Variants in GLCE observed in about 807,000 individuals in gnomAD.
GLCE encodes the protein D-glucuronyl C5-epimerase.
GLCE carries 19 observed loss-of-function variants against 47.9 expected under a neutral mutation model. The ratio of observed to expected loss-of-function variants is 0.40; its 90% CI spans 0.28 to 0.58. The LOEUF (loss-of-function observed/expected upper bound fraction) is 0.58, where lower values mean the gene tolerates loss of function less well. GLCE is among the 20% of genes least tolerant of loss of function. The pLI is 0.48. For missense variants in GLCE, 556 were observed against 743.3 expected (o/e 0.75, Z 2.93); for synonymous variants, 245 against 263.4 (o/e 0.93, Z 0.68).
At chr15:69,240,986 A>G (rs1595776511) in intron 2 of GLCE, among the ~76,000 whole-genome samples, 2 of 152,350 alleles carry the variant, frequency 1.3e-5, no homozygotes, top group East Asian at 3.9e-4. Context: ...GCCAAACACC[A>G]GGAAAAATTA....
At chr15:69,163,698 A>G (rs1448552085) in intron 1 of GLCE, among the ~76,000 whole-genome samples, 1 of 152,190 alleles carries the variant, frequency 6.6e-6, no homozygotes, top group African/African-American at 2.4e-5. Flanking sequence ...CATAGAAGAG[A>G]GCGGTTTAAT....
intron 1 of GLCE, among the ~76,000 whole-genome samples, chr15:69,166,192 G>T (rs2051498778): frequency 6.6e-6 from 1 of 152,112 alleles, no homozygotes. Flanking sequence ...TTTAATAATT[G>T]CTTTACATAC....
At position 69,261,389 on chromosome 15, in the gene GLCE, C is replaced by T. The variant is rs8023271; in HGVS notation, c.829+60C>T. On this transcript the variant is annotated intron_variant, in intron 4 of 4. Coordinates refer to ENST00000261858, the MANE Select transcript of GLCE (RefSeq NM_015554.3). ...TGTTGATTTATGGGACCCTGATAGTCCCTTAAAATTTTAATATGGTTTAAA... is the reference window on the plus strand; with the variant it reads ...TGTTGATTTATGGGACCCTGATAGTTCCTTAAAATTTTAATATGGTTTAAA... 4.8e-4 allele frequency: 728 copies of T among 1,515,376 alleles called. 3 individuals are homozygous for T. The East Asian group carries it at 7.6e-3, about 16-fold the overall frequency. 93.9% of individuals were successfully genotyped at this position (1,515,376 alleles called of 1,614,324 possible).
At chr15:69,165,165 A>C (rs2051483339) in intron 1 of GLCE, among the ~76,000 whole-genome samples, 2 of 152,200 alleles carry the variant, frequency 1.3e-5, no homozygotes, top group Non-Finnish European at 2.9e-5. Context: ...TTTACTGCAC[A>C]GATCATCCCA....
intron 2 of GLCE, among the ~76,000 whole-genome samples, chr15:69,251,238 G>T (rs1157231809): frequency 6.6e-6 from 1 of 152,060 alleles, no homozygotes; most frequent in East Asian, 1.9e-4. Flanking sequence ...AAACATTTTG[G>T]GCTGGAATGT....
At chr15:69,192,707 TC>T (rs1443919222) in intron 1 of GLCE, among the ~76,000 whole-genome samples, 3 of 152,142 alleles carry the variant, frequency 2.0e-5, no homozygotes, top group Non-Finnish European at 4.4e-5. Context: ...ACAGATAAGT[TC>T]GATCCTTTCA....
At chr15:69,267,494 G>A (rs1284575925) in intron 4 of GLCE, among the ~76,000 whole-genome samples, 1 of 152,150 alleles carries the variant, frequency 6.6e-6, no homozygotes, top group Non-Finnish European at 1.5e-5. Flanking sequence ...GTACACATGA[G>A]CCCATTGCTT....
In GLCE at chr15:69,268,261, G is replaced by T. The variant is rs2053113290; in HGVS notation, c.871G>T (p.Asp291Tyr). The T allele has an allele frequency of 2.5e-6, 4 of 1,611,252 alleles. No homozygotes were observed. The highest frequency in any genetic ancestry group is 2.7e-5 in the African/African-American group (2 of 74,644). The change falls in exon 5 of 5, where the codon GAT becomes TAT. Residue 291 changes from aspartate to tyrosine, a missense_variant. By Grantham distance (160) the Asp-to-Tyr change is radical. Transcript: ENST00000261858. ...GVSLQLGNTK[D>Y]FIISFDLKFL... ...ATCCTTGCAACTGGGAAACACAAAA[G>T]ATTTTATTATTTCATTTGACCTCAA...
chr15:69,168,511 G>A (rs1200127319), intron 1 of GLCE, among the ~76,000 whole-genome samples: 1 of 150,344 alleles, frequency 6.7e-6, no homozygotes, highest in Non-Finnish European at 1.5e-5. Context: ...CATGGAGGAA[G>A]AGGAACTTTC....
At chr15:69,194,924 A>G (rs988212644) in intron 1 of GLCE, among the ~76,000 whole-genome samples, 1 of 152,142 alleles carries the variant, frequency 6.6e-6, no homozygotes, top group African/African-American at 2.4e-5. Flanking sequence ...GATAAATGCA[A>G]TGTACCTTTC....
chr15:69,185,558 C>T (rs2051810468), intron 1 of GLCE, among the ~76,000 whole-genome samples: 1 of 151,966 alleles, frequency 6.6e-6, no homozygotes, highest in Non-Finnish European at 1.5e-5. Context: ...CTGCTTGCTT[C>T]TCTGTAAGCC....
chr15:69,234,866 T>C (rs978666907), intron 2 of GLCE, among the ~76,000 whole-genome samples: 10 of 152,166 alleles, frequency 6.6e-5, no homozygotes, highest in Non-Finnish European at 1.3e-4. Context: ...TACCAATATA[T>C]CATTCTGTGG....
intron 2 of GLCE, among the ~76,000 whole-genome samples, chr15:69,232,877 G>GA (rs1368506780): frequency 6.6e-6 from 1 of 152,132 alleles, no homozygotes; most frequent in Non-Finnish European, 1.5e-5. Flanking sequence ...TTATCCTTGA[G>GA]AGTAAGCTTT....
intron 2 of GLCE, among the ~76,000 whole-genome samples, chr15:69,212,862 G>A (rs181175230): frequency 6.6e-6 from 1 of 152,108 alleles, no homozygotes; most frequent in Admixed American, 6.6e-5. Flanking sequence ...ATCCTCATAG[G>A]AGACAGTGTT....
At chr15:69,240,420 G>T (rs1032958615) in intron 2 of GLCE, among the ~76,000 whole-genome samples, 2 of 151,962 alleles carry the variant, frequency 1.3e-5, no homozygotes, top group Non-Finnish European at 2.9e-5. Flanking sequence ...GATATAAAAG[G>T]TTACTTCTGT....
chr15:69,164,022 A>G (rs1054733765), intron 1 of GLCE, among the ~76,000 whole-genome samples: 13 of 152,150 alleles, frequency 8.5e-5, no homozygotes, highest in Non-Finnish European at 1.9e-4. Flanking sequence ...GTAAAGATAA[A>G]TTAATTTTAG....
chr15:69,229,143 C>T (rs951051143), intron 2 of GLCE, among the ~76,000 whole-genome samples: 4 of 151,992 alleles, frequency 2.6e-5, no homozygotes, highest in African/African-American at 4.8e-5. Context: ...CAATACTAGA[C>T]GTAAAGAAGG....
intron 2 of GLCE, among the ~76,000 whole-genome samples, chr15:69,224,224 G>A (rs868660811): frequency 6.6e-6 from 1 of 152,120 alleles, no homozygotes; most frequent in Non-Finnish European, 1.5e-5. Flanking sequence ...GGTTGTTTTA[G>A]TATTATTTTT....
At chr15:69,161,785 T>C (rs1311696249) in intron 1 of GLCE, among the ~76,000 whole-genome samples, 1 of 152,144 alleles carries the variant, frequency 6.6e-6, no homozygotes, top group East Asian at 1.9e-4. Flanking sequence ...TCGCTGGAGC[T>C]CCGGGAGCTA....
Sources: gnomAD v4.1 joint callset for allele counts (sites outside exome capture counted in the v4.1 genomes callset) on GRCh38, gnomAD v4.1.1 for gene constraint, MANE v1.5 for transcripts, NCBI Gene and HGNC (gene_info 2026-07-23, HGNC 2026-07-21) for gene names.